Variants in DNA2 observed in about 807,000 individuals in gnomAD.
DNA2 encodes DNA replication helicase/nuclease 2.
In DNA2, 101 loss-of-function variants were observed where a neutral mutation model predicts 119.1. The observed-to-expected ratio is 0.85, with a 90% CI of 0.72 to 1.00. The LOEUF is 1.00. Ranked by LOEUF, DNA2 falls within the 50% of genes least tolerant of loss-of-function variation. The pLI is 0.00. For missense variants in DNA2, 1,121 were observed against 1,255.5 expected (o/e 0.89, Z 1.62); for synonymous variants, 366 against 424.4 (o/e 0.86, Z 1.69).
At chr10:68,447,109 A>G (rs2052049979) in intron 6 of DNA2, among the ~76,000 whole-genome samples, 2 of 152,180 alleles carry the variant, frequency 1.3e-5, no homozygotes, top group African/African-American at 4.8e-5. Context: ...TATCTCATGT[A>G]ATCCATGAAC....
rs532653012 is a variant in DNA2, at chr10:68,455,808, G to A, written c.719+3296C>T. ...TGTACTTCAGCCTGAGCGACAGAGC[G>A]AGACTCCATCTCAAAAACAAAACAA... On this transcript the variant is annotated intron_variant, in intron 5 of 20. Coordinates refer to ENST00000358410, the MANE Select transcript of DNA2 (RefSeq NM_001080449.3). 3.0e-4 allele frequency among the ~76,000 whole-genome samples: 45 copies of A among 151,850 alleles called. No individual in the cohort carries two copies. In the South Asian group the frequency reaches 3.1e-3, roughly 11 times the overall value.
chr10:68,456,858 G>A (rs577593506), intron 5 of DNA2, among the ~76,000 whole-genome samples: 34 of 151,828 alleles, frequency 2.2e-4, no homozygotes, highest in African/African-American at 8.0e-4. Context: ...AAAGGAGCCG[G>A]GCACGGTGGC....
chr10:68,465,582 G>A, intron 4 of DNA2, 85 bp downstream of exon 4: 1 of 989,666 alleles, frequency 1.0e-6, no homozygotes. Context: ...ATTTATATTG[G>A]ATAGTCTACA....
At chr10:68,460,030 TACACACACACACACAC>T (rs150226727) in intron 4 of DNA2, among the ~76,000 whole-genome samples, 1 of 145,602 alleles carries the variant, frequency 6.9e-6, no homozygotes, top group South Asian at 2.2e-4. Context: ...CCATCACAAA[TACACACACACACACAC>T]ACACACACAC....
intron 9 of DNA2, among the ~76,000 whole-genome samples, chr10:68,437,487 AT>A (rs869229117): frequency 1.3e-5 from 2 of 151,358 alleles, no homozygotes; most frequent in African/African-American, 2.4e-5. Flanking sequence ...AAAAAAAAAA[AT>A]AAAAATAAAA....
intron 9 of DNA2, among the ~76,000 whole-genome samples, chr10:68,440,672 T>C (rs1164800083): frequency 6.6e-6 from 1 of 151,970 alleles, no homozygotes; most frequent in Admixed American, 6.6e-5. Flanking sequence ...ATGAAAGCAA[T>C]TAAATTTTAC....
intron 4 of DNA2, among the ~76,000 whole-genome samples, chr10:68,461,828 CA>C (rs554059657): frequency 0.049 from 3,415 of 70,200 alleles, 67 homozygotes; most frequent in South Asian, 0.16. Flanking sequence ...AACTCCGTCT[CA>C]AAAAAAAAAA....
chr10:68,446,142 C>A (rs2052036032), intron 7 of DNA2, among the ~76,000 whole-genome samples, 154 bp downstream of exon 7: 1 of 150,662 alleles, frequency 6.6e-6, no homozygotes, highest in Admixed American at 6.7e-5. Flanking sequence ...AAAACAAAAA[C>A]ACACACATAA....
rs951565523 is a variant in DNA2 at position 68,456,951 on chromosome 10, G to A, written c.719+2153C>T. On this transcript the variant is annotated intron_variant, in intron 5 of 20. Coordinates refer to ENST00000358410, the MANE Select transcript of DNA2 (RefSeq NM_001080449.3). ...AGATCGAGACCATCCTGGCTAACAC[G>A]GTGAAACCCCGGCTCTACTAAAAAT... is the stretch of plus-strand genomic sequence containing the variant. Among the ~76,000 whole-genome samples, 18 of 151,780 alleles carry A rather than the reference G, an allele frequency of 1.2e-4. No individual in the cohort carries two copies. In the East Asian group the frequency reaches 1.8e-3, roughly 15 times the overall value.
In DNA2 at chr10:68,422,887, T is replaced by C. The variant is rs149606167; in HGVS notation, c.2212A>G (p.Ile738Val). The C allele has an allele frequency of 2.7e-4, 418 of 1,566,420 alleles. 1 individual carries two copies. In the African/African-American group the frequency reaches 5.3e-3, roughly 20 times the overall value. ...LLEELYNSQL[I>V]VATTCMGINH... ...ATTCCCATACATGTTGTTGCAACTA[T>C]AAGCTAAAAACAAGGAAAACAGATC... Residue 738 changes from isoleucine to valine, a missense_variant, in exon 15 of 21, where the codon ATA becomes GTA. Transcript: ENST00000358410.
chr10:68,465,671 C>A lies in DNA2; in HGVS notation c.583G>T (p.Glu195Ter). Reference sequence around the variant, plus strand: ...GTTCTTCTTATAACTACTTACATTTCCTTCAAATGTCTTATTTCTTGAATT... The same window carrying A: ...GTTCTTCTTATAACTACTTACATTTACTTCAAATGTCTTATTTCTTGAATT... ...QTIQEIRHLK[E>*]MYRLNLSQDE... Residue 195 changes from glutamate (E) to a stop codon, truncating the protein, a stop_gained, in exon 4 of 21, where the codon GAA becomes TAA. Transcript: ENST00000358410. LOFTEE classifies it high-confidence loss of function. 1 of 1,586,208 alleles carries A rather than the reference C, an allele frequency of 6.3e-7. No individual in the cohort carries two copies. The highest frequency in any genetic ancestry group is 1.2e-5 in the South Asian group (1 of 85,694).
chr10:68,431,869 C>T lies in DNA2; in HGVS notation c.1976G>A (p.Cys659Tyr). 1 of 1,600,794 alleles carries T rather than the reference C, an allele frequency of 6.2e-7. No individual in the cohort carries two copies. The highest frequency in any genetic ancestry group is 8.6e-7 in the Non-Finnish European group (1 of 1,168,510). ...GAAGAATAATAACCTTACGAGAGTA[C>T]ATATCGTAGTTGTTTTTCCTGTCCC... is the stretch of plus-strand genomic sequence containing the variant. ...MPGTGKTTTI[C>Y]TLVRILYACG... is the part of the protein sequence containing the mutation. Residue 659 changes from cysteine (C) to tyrosine (Y), a missense_variant, in exon 13 of 21, where the codon TGT becomes TAT. Physicochemically the swap from Cys to Tyr is radical, Grantham distance 194 (BLOSUM62 -2). Transcript: ENST00000358410.
Position 68,471,893 on chromosome 10 carries a change from C to T in DNA2, c.-29G>A. On this transcript the variant is annotated 5_prime_UTR_variant, in exon 1 of 21. Transcript: ENST00000358410. Reference sequence around the variant, plus strand: ...GGACGCGGGGATCGCAAACTGTAGACAGAAAAGACAGCGGAACCGGGGGTA... The same window carrying T: ...GGACGCGGGGATCGCAAACTGTAGATAGAAAAGACAGCGGAACCGGGGGTA... 1 of 1,613,928 alleles carries T rather than the reference C, an allele frequency of 6.2e-7. No individual in the cohort carries two copies. The highest frequency in any genetic ancestry group is 8.5e-7 in the Non-Finnish European group (1 of 1,179,802).
At chr10:68,429,733 A>G (rs568833981) in intron 14 of DNA2, among the ~76,000 whole-genome samples, 1 of 137,848 alleles carries the variant, frequency 7.3e-6, no homozygotes, top group Non-Finnish European at 1.6e-5. Context: ...AAAAAAAAAG[A>G]AAAAAAAATC....
intron 5 of DNA2, among the ~76,000 whole-genome samples, chr10:68,452,927 A>C (rs2052139199): frequency 6.8e-6 from 1 of 147,894 alleles, no homozygotes; most frequent in South Asian, 2.1e-4. Flanking sequence ...TTGAGATGGA[A>C]TCTCGCTCTG....
chr10:68,472,145 C>T, upstream of DNA2: 1 of 1,383,594 alleles, frequency 7.2e-7, no homozygotes, highest in Non-Finnish European at 9.5e-7. Context: ...CTAAACGCTC[C>T]TGCCTTCTCT....
At chr10:68,467,630 A>G (rs2052342854) in intron 3 of DNA2, among the ~76,000 whole-genome samples, 1 of 152,044 alleles carries the variant, frequency 6.6e-6, no homozygotes, top group African/African-American at 2.4e-5. Flanking sequence ...GGCTCACTGC[A>G]ACCTCCATCT....
At chr10:68,426,354 A>G (rs2051740891) in intron 14 of DNA2, among the ~76,000 whole-genome samples, 1 of 151,712 alleles carries the variant, frequency 6.6e-6, no homozygotes, top group African/African-American at 2.4e-5. Flanking sequence ...CCTGGCCAAC[A>G]CAGCAAAACC....
At chr10:68,425,735 T>G (rs2051732034) in intron 14 of DNA2, among the ~76,000 whole-genome samples, 1 of 151,752 alleles carries the variant, frequency 6.6e-6, no homozygotes, top group African/African-American at 2.4e-5. Context: ...TTTTGTTACC[T>G]GAGGCTCTGT....
Sources: gnomAD v4.1 joint callset for allele counts (sites outside exome capture counted in the v4.1 genomes callset) on GRCh38, gnomAD v4.1.1 for gene constraint, MANE v1.5 for transcripts, NCBI Gene and HGNC (gene_info 2026-07-23, HGNC 2026-07-21) for gene names.